The following EPYC variants were observed in gnomAD, a reference collection of about 807,000 sequenced individuals.
EPYC encodes the protein epiphycan.
A neutral mutation model predicts 30.1 loss-of-function variants in EPYC; 28 were observed. The ratio of observed to expected loss-of-function variants is 0.93; its 90% CI spans 0.69 to 1.28. The LOEUF is 1.28. Among genes scored for constraint, EPYC ranks in the 50% most tolerant of loss-of-function variants. EPYC has a pLI of 0.00. For missense variants in EPYC, 382 were observed against 383.5 expected (o/e 1.00, Z 0.03); for synonymous variants, 144 against 141.4 (o/e 1.02, Z -0.13).
Position 90,964,315 on chromosome 12 carries a change from A to G in EPYC, c.810T>C (p.Ile270=). The change falls in exon 7 of 7, where the codon ATT becomes ATC. Residue 270 remains isoleucine (I), a synonymous_variant. Transcript: ENST00000261172. ...LRALHLQNNN[I]LEMHEDTFCN... Reference sequence around the variant, plus strand: ...AGAACGTATCTTCGTGCATTTCCAGAATGTTGTTATTCTAAAAAAGATGAA... The same window carrying G: ...AGAACGTATCTTCGTGCATTTCCAGGATGTTGTTATTCTAAAAAAGATGAA... The G allele has an allele frequency of 6.2e-7, 1 of 1,605,636 alleles. No homozygotes were observed. Among genetic ancestry groups the G allele is most frequent in the Non-Finnish European group, 8.5e-7 (1 of 1,173,358 alleles).
intron 2 of EPYC, among the ~76,000 whole-genome samples, chr12:91,002,125 G>T (rs1877841845): frequency 1.4e-5 from 2 of 143,014 alleles, no homozygotes; most frequent in Non-Finnish European, 3.0e-5. Context: ...AGGAGGCGGA[G>T]GTTGCAGTGA....
intron 6 of EPYC, among the ~76,000 whole-genome samples, chr12:90,966,513 A>G (rs1876900348): frequency 6.6e-6 from 1 of 151,852 alleles, no homozygotes; most frequent in Admixed American, 6.6e-5. Flanking sequence ...AATCTTTTCT[A>G]TATGTTGGTG....
rs769185716 is a variant in EPYC at position 90,978,184 on chromosome 12, C to T, written c.244G>A (p.Glu82Lys). 1.2e-6 allele frequency: 2 copies of T among 1,606,526 alleles called. No homozygotes were observed. Among genetic ancestry groups the T allele is most frequent in the Non-Finnish European group, 1.7e-6 (2 of 1,176,858 alleles). Reference sequence around the variant, plus strand: ...GGAGTAGATTCCTCCTCCTCTTCCTCTTCCTGGGCCTTCTCAGGCTGTGGG... The same window carrying T: ...GGAGTAGATTCCTCCTCCTCTTCCTTTTCCTGGGCCTTCTCAGGCTGTGGG... ...PPPQPEKAQE[E>K]EEEEESTPRL... is the part of the protein sequence containing the mutation. The change falls in exon 3 of 7, where the codon GAG (glutamate) becomes AAG (lysine). Residue 82 changes from glutamate (E) to lysine (K), a missense_variant. Glu to Lys is a moderately conservative substitution (Grantham distance 56). Coordinates refer to ENST00000261172, the MANE Select transcript of EPYC (RefSeq NM_004950.5).
rs772936909 is a variant in EPYC at position 91,002,428 on chromosome 12, A to G, written c.138T>C (p.Tyr46=). 6.2e-7 allele frequency: 1 copy of G among 1,612,938 alleles called. No homozygotes were observed. The highest frequency in any genetic ancestry group is 8.5e-7 in the Non-Finnish European group (1 of 1,179,428). ...CAACTTTATCAACAGGTATGTTTTCATAGTTGTACAAATTATCCAGGTCTT... is the reference window on the plus strand; with the variant it reads ...CAACTTTATCAACAGGTATGTTTTCGTAGTTGTACAAATTATCCAGGTCTT... The part of the protein sequence containing the change: ...TLEDLDNLYN[Y]ENIPVDKVEI... The change falls in exon 2 of 7, where the codon TAT becomes TAC. Residue 46 remains tyrosine (Y), a synonymous_variant. Coordinates refer to ENST00000261172, the MANE Select transcript of EPYC (RefSeq NM_004950.5).
chr12:90,981,115 C>G (rs1402150826), intron 2 of EPYC, among the ~76,000 whole-genome samples: 1 of 152,112 alleles, frequency 6.6e-6, no homozygotes, highest in African/African-American at 2.4e-5. Flanking sequence ...AACAGTATAT[C>G]TATTCCAGAG....
At chr12:90,998,074 C>G (rs1250302491) in intron 2 of EPYC, among the ~76,000 whole-genome samples, 3 of 151,898 alleles carry the variant, frequency 2.0e-5, no homozygotes, top group African/African-American at 7.3e-5. Flanking sequence ...ACTCTTTGTC[C>G]AAAAATCCTC....
chr12:90,966,002 T>C (rs1223120721), intron 6 of EPYC, among the ~76,000 whole-genome samples: 2 of 152,114 alleles, frequency 1.3e-5, no homozygotes, highest in Non-Finnish European at 2.9e-5. Flanking sequence ...ATTGCTGAAC[T>C]CATTTATTAG....
intron 2 of EPYC, among the ~76,000 whole-genome samples, chr12:90,993,741 G>T (rs1920760): frequency 3.3e-5 from 5 of 150,574 alleles, no homozygotes; most frequent in African/African-American, 4.9e-5. Flanking sequence ...AAAATTATAT[G>T]TAATACATTT....
intron 3 of EPYC, 57 bp from the exon 4 acceptor site, chr12:90,973,037 T>G: frequency 2.4e-6 from 3 of 1,250,274 alleles, no homozygotes; most frequent in Non-Finnish European, 3.4e-6. Flanking sequence ...TTCTAAGAAA[T>G]AATGTGGAAT....
chr12:90,969,562 T>C (rs1292033648), intron 6 of EPYC, among the ~76,000 whole-genome samples: 1 of 150,156 alleles, frequency 6.7e-6, no homozygotes. Context: ...TCCAGAGAGA[T>C]GGAGCTTGCC....
intron 2 of EPYC, among the ~76,000 whole-genome samples, chr12:90,996,111 A>G (rs1161116100): frequency 6.6e-6 from 1 of 151,960 alleles, no homozygotes; most frequent in Non-Finnish European, 1.5e-5. Flanking sequence ...TTTTGCCACC[A>G]GAATAGTATA....
At chr12:90,967,251 C>T (rs1876922706) in intron 6 of EPYC, among the ~76,000 whole-genome samples, 1 of 151,886 alleles carries the variant, frequency 6.6e-6, no homozygotes, top group Non-Finnish European at 1.5e-5. Flanking sequence ...GAAAATTTCC[C>T]TTTAAGTGCT....
intron 2 of EPYC, among the ~76,000 whole-genome samples, chr12:90,988,668 T>C (rs1877509335): frequency 6.6e-6 from 1 of 152,154 alleles, no homozygotes; most frequent in Admixed American, 6.5e-5. Context: ...AAGTTGAAAA[T>C]GTCTATATTA....
chr12:90,986,907 A>G (rs1241117887), intron 2 of EPYC, among the ~76,000 whole-genome samples: 2 of 152,152 alleles, frequency 1.3e-5, no homozygotes, highest in African/African-American at 2.4e-5. Flanking sequence ...TAAATACTAC[A>G]TATTTCTTTT....
chr12:90,983,886 C>T (rs561644030), intron 2 of EPYC, among the ~76,000 whole-genome samples: 354 of 152,144 alleles, frequency 2.3e-3, no homozygotes, highest in Non-Finnish European at 4.1e-3. Context: ...TAATTTTTGC[C>T]CAAAGCCCCA....
At chr12:90,972,045 T>G in intron 4 of EPYC, 43 bp from the exon 5 acceptor site, 8 of 1,205,686 alleles carry the variant, frequency 6.6e-6, no homozygotes, top group South Asian at 3.1e-5. Context: ...ATTCTTGTTT[T>G]GCTCACATAA....
At chr12:90,997,816 G>GT (rs1420779546) in intron 2 of EPYC, among the ~76,000 whole-genome samples, 2 of 152,000 alleles carry the variant, frequency 1.3e-5, no homozygotes, top group Non-Finnish European at 2.9e-5. Flanking sequence ...GTTACCTCTA[G>GT]TTCACATTAT....
Position 90,983,997 on chromosome 12 carries a change from A to G in EPYC, c.166-5735T>C, listed in dbSNP as rs1877386406. 2.0e-5 allele frequency among the ~76,000 whole-genome samples: 3 copies of G among 152,080 alleles called. No homozygotes were observed. In the South Asian group the frequency reaches 6.2e-4, roughly 32 times the overall value. ...TAGGATATGGGGAGCCTCAGAAATG[A>G]TATCCTTCCTATTCATATGATGAGA... On this transcript the variant is annotated intron_variant, in intron 2 of 6. Coordinates refer to ENST00000261172, the MANE Select transcript of EPYC (RefSeq NM_004950.5).
At chr12:90,988,487 G>A (rs1877505006) in intron 2 of EPYC, among the ~76,000 whole-genome samples, 1 of 152,092 alleles carries the variant, frequency 6.6e-6, no homozygotes, top group African/African-American at 2.4e-5. Flanking sequence ...TATCTGACAT[G>A]GAGAAGAAAG....
Sources: gnomAD v4.1 joint callset for allele counts (sites outside exome capture counted in the v4.1 genomes callset) on GRCh38, gnomAD v4.1.1 for gene constraint, MANE v1.5 for transcripts, NCBI Gene and HGNC (gene_info 2026-07-23, HGNC 2026-07-21) for gene names.